The following ADARB2 variants were observed in gnomAD, a reference collection of about 807,000 sequenced individuals.
The protein encoded by ADARB2 is adenosine deaminase RNA specific B2 (inactive).
Under a neutral mutation model 62.2 loss-of-function variants are expected in ADARB2, and 25 were observed. The observed-to-expected ratio is 0.40, with a 90% CI of 0.29 to 0.56. The LOEUF (loss-of-function observed/expected upper bound fraction) is 0.56. Among genes scored for constraint, ADARB2 ranks in the 20% least tolerant of loss-of-function variants. The pLI is 0.43. For missense variants in ADARB2, 1,071 were observed against 1,077.4 expected, an observed-to-expected ratio of 0.99 and a Z score of 0.08; for synonymous variants, 572 against 500.8, an observed-to-expected ratio of 1.14 and a Z score of -1.90.
chr10:1,620,811 T>TA (rs1285632015), intron 1 of ADARB2, among the ~76,000 whole-genome samples: 10 of 152,160 alleles, frequency 6.6e-5, no homozygotes, highest in Non-Finnish European at 1.5e-5. Context: ...GCCTAAAATG[T>TA]AAAAATCACC....
At chr10:1,483,531 T>G (rs907589372) in intron 1 of ADARB2, among the ~76,000 whole-genome samples, 3 of 152,334 alleles carry the variant, frequency 2.0e-5, no homozygotes, top group Admixed American at 1.3e-4. Flanking sequence ...GAGCATTTTT[T>G]TTTCCTTGAG....
intron 1 of ADARB2, among the ~76,000 whole-genome samples, chr10:1,573,481 G>C (rs934625406): frequency 6.6e-5 from 10 of 152,192 alleles, no homozygotes; most frequent in Admixed American, 1.3e-4. Context: ...GCCATCAGCA[G>C]AGAGCCAGGC....
chr10:1,393,597 C>T (rs1661315929), intron 1 of ADARB2, among the ~76,000 whole-genome samples: 1 of 152,340 alleles, frequency 6.6e-6, no homozygotes, highest in African/African-American at 2.4e-5. Context: ...TGTGTCAACA[C>T]TGGGACCTGT....
intron 1 of ADARB2, among the ~76,000 whole-genome samples, chr10:1,705,119 G>T (rs932252075): frequency 2.0e-5 from 3 of 152,134 alleles, no homozygotes; most frequent in African/African-American, 4.8e-5. Context: ...AATTAAAGTG[G>T]CATTTCTTCA....
At chr10:1,187,103 G>A (rs1475453758) in intron 8 of ADARB2, among the ~76,000 whole-genome samples, 1 of 152,238 alleles carries the variant, frequency 6.6e-6, no homozygotes, top group Non-Finnish European at 1.5e-5. Flanking sequence ...ACAGACAGGT[G>A]ATGTGGGACA....
At chr10:1,568,536 G>GAAGAAAGAAAAGA (rs1252620065) in intron 1 of ADARB2, among the ~76,000 whole-genome samples, 1 of 149,784 alleles carries the variant, frequency 6.7e-6, no homozygotes, top group African/African-American at 2.5e-5. Context: ...AAAGATGAAA[G>GAAGAAAGAAAAGA]AAGAAAGAAA....
intron 1 of ADARB2, among the ~76,000 whole-genome samples, chr10:1,672,327 A>G (rs1834396909): frequency 6.6e-6 from 1 of 152,124 alleles, no homozygotes; most frequent in African/African-American, 2.4e-5. Context: ...TGGCCATCCT[A>G]AACTTAAACA....
chr10:1,371,427 A>G (rs760329509), intron 2 of ADARB2, among the ~76,000 whole-genome samples: 9 of 152,238 alleles, frequency 5.9e-5, no homozygotes, highest in Admixed American at 2.0e-4. Context: ...GCACAAATCC[A>G]GAAACAGACA....
At position 1,591,229 on chromosome 10, in the gene ADARB2, G is replaced by T. The variant is rs1237595808; in HGVS notation, c.100+145822C>A. 2.0e-5 allele frequency among the ~76,000 whole-genome samples: 3 copies of T among 152,190 alleles called. No individual in the cohort carries two copies. In the East Asian group the frequency reaches 5.8e-4, roughly 29 times the overall value. ...GGTGGGAGAAGCCACCCTGAATCCAGACGCAGCACCAGAGGCAGGGCTGCT... is the reference window on the plus strand; with the variant it reads ...GGTGGGAGAAGCCACCCTGAATCCATACGCAGCACCAGAGGCAGGGCTGCT... On this transcript the variant is annotated intron_variant, in intron 1 of 9. Transcript: ENST00000381312.
chr10:1,524,097 G>GATAT, intron 1 of ADARB2, among the ~76,000 whole-genome samples: 1 of 151,930 alleles, frequency 6.6e-6, no homozygotes, highest in African/African-American at 2.4e-5. Flanking sequence ...TAGATAGATA[G>GATAT]ATAGATTAGA....
chr10:1,462,727 ATGTGTGTATGTGCC>A (rs1365747830), intron 1 of ADARB2, among the ~76,000 whole-genome samples: 2 of 148,882 alleles, frequency 1.3e-5, no homozygotes, highest in Non-Finnish European at 3.0e-5. Context: ...CTGTATGTGC[ATGTGTGTATGTGCC>A]TGTGTGTATG....
At chr10:1,322,810 T>A (rs1831807067) in intron 3 of ADARB2, among the ~76,000 whole-genome samples, 1 of 152,194 alleles carries the variant, frequency 6.6e-6, no homozygotes, top group Non-Finnish European at 1.5e-5. Flanking sequence ...GGAAAAAACA[T>A]TTGGCATTAA....
chr10:1,719,197 C>T (rs1835058162), intron 1 of ADARB2, among the ~76,000 whole-genome samples: 1 of 152,168 alleles, frequency 6.6e-6, no homozygotes, highest in Non-Finnish European at 1.5e-5. Context: ...CTCCTGACCT[C>T]AGGTGATTGG....
chr10:1,331,028 T>C (rs184857690), intron 3 of ADARB2, among the ~76,000 whole-genome samples: 2 of 152,306 alleles, frequency 1.3e-5, no homozygotes, highest in African/African-American at 4.8e-5. Flanking sequence ...TAAAAGATGC[T>C]CAATATCATT....
chr10:1,316,175 C>A (rs1324803034), intron 3 of ADARB2, among the ~76,000 whole-genome samples: 1 of 152,222 alleles, frequency 6.6e-6, no homozygotes, highest in Non-Finnish European at 1.5e-5. Context: ...CAGAGATGCT[C>A]CCACTTGCCG....
At chr10:1,448,346 G>A (rs188885130) in intron 1 of ADARB2, among the ~76,000 whole-genome samples, 2 of 152,304 alleles carry the variant, frequency 1.3e-5, no homozygotes, top group East Asian at 3.9e-4. Flanking sequence ...ACTCCAAAGT[G>A]AACATGGGTT....
At chr10:1,707,949 A>C (rs1444850358) in intron 1 of ADARB2, among the ~76,000 whole-genome samples, 2 of 152,136 alleles carry the variant, frequency 1.3e-5, no homozygotes, top group Non-Finnish European at 2.9e-5. Context: ...ATTTTTTCTC[A>C]TCATGAAAAA....
chr10:1,324,227 G>A (rs1040741449), intron 3 of ADARB2, among the ~76,000 whole-genome samples: 3 of 152,188 alleles, frequency 2.0e-5, no homozygotes, highest in African/African-American at 7.2e-5. Context: ...TCACGGAATG[G>A]CTGTTGTGAA....
intron 1 of ADARB2, among the ~76,000 whole-genome samples, chr10:1,410,242 TTG>T (rs1564282480): frequency 4.1e-4 from 52 of 126,472 alleles, no homozygotes; most frequent in African/African-American, 2.2e-3. Context: ...TGGGGAAGGA[TTG>T]TCAGTGGTGC....
Sources: allele counts gnomAD v4.1 joint callset (sites outside exome capture counted in the v4.1 genomes callset), GRCh38; gene constraint gnomAD v4.1.1; transcripts MANE v1.5; gene names NCBI Gene and HGNC (gene_info 2026-07-23, HGNC 2026-07-21).